The following JAK1 variants were observed in gnomAD, a reference collection of about 807,000 sequenced individuals.
JAK1 encodes the protein Janus kinase 1.
JAK1 carries 16 observed loss-of-function variants against 136.6 expected under a neutral mutation model. That is an observed-to-expected ratio of 0.12 (90% CI 0.08 to 0.18). The LOEUF is 0.18. JAK1 is among the 10% of genes least tolerant of loss of function. JAK1 has a pLI of 1.00. For synonymous variants in JAK1, 492 were observed against 519.5 expected, an observed-to-expected ratio of 0.95 and a Z score of 0.72; for missense variants, 859 against 1,450.1, an observed-to-expected ratio of 0.59 and a Z score of 6.62.
intron 4 of JAK1, among the ~76,000 whole-genome samples, chr1:64,877,482 T>C (rs902471194): frequency 6.6e-6 from 1 of 152,180 alleles, no homozygotes; most frequent in Non-Finnish European, 1.5e-5. Flanking sequence ...CAGCCTTTAA[T>C]AGCCAGGCAC....
intron 2 of JAK1, among the ~76,000 whole-genome samples, chr1:64,989,004 A>ATG (rs1304818495): frequency 1.2e-5 from 1 of 80,108 alleles, no homozygotes; most frequent in Non-Finnish European, 2.1e-5. Context: ...GTGTGTGTGT[A>ATG]TATATATATA....
At chr1:64,861,300 G>A (rs1262737111) in intron 8 of JAK1, among the ~76,000 whole-genome samples, 1 of 152,106 alleles carries the variant, frequency 6.6e-6, no homozygotes, top group African/African-American at 2.4e-5. Flanking sequence ...ATTAAGCCTA[G>A]GGAGCTCTGA....
intron 1 of JAK1, among the ~76,000 whole-genome samples, chr1:64,890,092 T>C (rs1299504877): frequency 2.6e-5 from 4 of 152,108 alleles, no homozygotes; most frequent in African/African-American, 7.2e-5. Context: ...GAAAGAAAAA[T>C]ATGTAATTTA....
At chr1:64,870,063 A>T (rs1264038297) in intron 5 of JAK1, among the ~76,000 whole-genome samples, 1 of 152,204 alleles carries the variant, frequency 6.6e-6, no homozygotes, top group African/African-American at 2.4e-5. Context: ...AACTAACGGG[A>T]ACTTTAAACA....
intron 1 of JAK1, among the ~76,000 whole-genome samples, chr1:64,936,578 C>A (rs1464875273): frequency 1.3e-5 from 2 of 152,182 alleles, no homozygotes; most frequent in African/African-American, 4.8e-5. Context: ...ACAAGTATGA[C>A]TGGAGAGGTG....
Position 64,984,991 on chromosome 1 carries a change from C to T in JAK1, c.-78+59489G>A, listed in dbSNP as rs567138643. On this transcript the variant is annotated intron_variant, in intron 2 of 25. Transcript: ENST00000671954. The surrounding 1 kb of genome is among the most constrained non-coding windows in gnomAD (Gnocchi z 4.1). ...AAGAAGACCACAAAGACCAAGATAG[C>T]CCCAATACAGACAAAGCTTATCCCA... 6.2e-4 allele frequency: 548 copies of T among 878,334 alleles called. 5 individuals carry two copies. The African/African-American group carries it at 7.9e-3, about 13-fold the overall frequency. 54.4% of individuals were successfully genotyped at this position (878,334 alleles called of 1,614,324 possible).
intron 2 of JAK1, among the ~76,000 whole-genome samples, chr1:65,023,243 C>A (rs1186958066): frequency 1.3e-5 from 2 of 152,102 alleles, no homozygotes; most frequent in African/African-American, 2.4e-5. Context: ...TCTGGAGACA[C>A]AGGCATACGT....
Position 64,921,189 on chromosome 1 carries a change from C to T in JAK1, c.-77-34848G>A, listed in dbSNP as rs568772812. Among the ~76,000 whole-genome samples the T allele has an allele frequency of 3.9e-5, 6 of 152,250 alleles. No individual in the cohort carries two copies. The South Asian group carries it at 1.2e-3, about 32-fold the overall frequency. ...TTCATCTTCTATGCCAGTAATCCCACATTACAGAGTGCCAAACCCCTTTAA... is the reference window on the plus strand; with the variant it reads ...TTCATCTTCTATGCCAGTAATCCCATATTACAGAGTGCCAAACCCCTTTAA... On this transcript the variant is annotated intron_variant, in intron 1 of 24. Transcript: ENST00000342505.
chr1:64,892,940 G>T (rs1644961499), intron 1 of JAK1, among the ~76,000 whole-genome samples: 1 of 152,126 alleles, frequency 6.6e-6, no homozygotes, highest in Non-Finnish European at 1.5e-5. Flanking sequence ...CAGCTGGCAA[G>T]ACTAACATAT....
chr1:65,058,374 C>T (rs1307533304), intron 1 of JAK1: 1 of 533,676 alleles, frequency 1.9e-6, no homozygotes, highest in South Asian at 1.4e-5. Context: ...TTTCACATTC[C>T]TCTTTCACCT....
intron 6 of JAK1, among the ~76,000 whole-genome samples, chr1:64,867,459 C>G (rs1656775536): frequency 6.6e-6 from 1 of 152,222 alleles, no homozygotes; most frequent in Non-Finnish European, 1.5e-5. Context: ...ACAAGTATTG[C>G]CCAATTTTCT....
chr1:65,046,088 G>A (rs1647180696), intron 1 of JAK1, among the ~76,000 whole-genome samples: 1 of 152,338 alleles, frequency 6.6e-6, no homozygotes, highest in East Asian at 1.9e-4. Flanking sequence ...TTTAAGAACT[G>A]TCTTGGGTGT....
intron 1 of JAK1, among the ~76,000 whole-genome samples, chr1:65,050,286 AAC>A (rs1557774905): frequency 6.6e-6 from 1 of 152,252 alleles, no homozygotes; most frequent in African/African-American, 2.4e-5. Context: ...ATGCACCCGC[AAC>A]ACACGTGATT....
At chr1:64,939,570 A>T (rs1645851490) in intron 1 of JAK1, among the ~76,000 whole-genome samples, 1 of 152,248 alleles carries the variant, frequency 6.6e-6, no homozygotes, top group African/African-American at 2.4e-5. Flanking sequence ...CTTCATCTTT[A>T]AACAGGGATA....
intron 4 of JAK1, among the ~76,000 whole-genome samples, chr1:64,874,139 G>T (rs1187524751): frequency 6.6e-6 from 1 of 152,126 alleles, no homozygotes; most frequent in African/African-American, 2.4e-5. Context: ...ACTCTACAAG[G>T]AAGGTTTCAT....
At chr1:64,883,555 T>TA in intron 2 of JAK1, 80 bp from the exon 3 acceptor site, 1 of 1,247,390 alleles carries the variant, frequency 8.0e-7, no homozygotes, top group South Asian at 1.3e-5. Context: ...GTTCTGAAGG[T>TA]AAAAAAGCAG....
chr1:64,864,033 AAG>A (rs1283080002), intron 8 of JAK1, among the ~76,000 whole-genome samples: 2 of 152,242 alleles, frequency 1.3e-5, no homozygotes, highest in Non-Finnish European at 2.9e-5. Context: ...TTCTGAATAC[AAG>A]AGAGTGACTG....
At chr1:64,902,634 G>A (rs1035830052) in intron 1 of JAK1, among the ~76,000 whole-genome samples, 2 of 147,518 alleles carry the variant, frequency 1.4e-5, no homozygotes, top group African/African-American at 2.5e-5. Flanking sequence ...AGATGGAAGA[G>A]ACTTGAGAAC....
chr1:65,038,010 T>C (rs1201492537), intron 2 of JAK1, among the ~76,000 whole-genome samples: 3 of 152,164 alleles, frequency 2.0e-5, no homozygotes, highest in Non-Finnish European at 4.4e-5. Flanking sequence ...CCTCACATTA[T>C]GTCTGTAGTT....
Sources: gnomAD v4.1 joint callset for allele counts (sites outside exome capture counted in the v4.1 genomes callset) on GRCh38, gnomAD v4.1.1 for gene constraint, Gnocchi (gnomAD v3.1) non-coding constraint, MANE v1.5 for transcripts, NCBI Gene and HGNC (gene_info 2026-07-23, HGNC 2026-07-21) for gene names.